Variants in PLEKHG4B observed in about 807,000 individuals in gnomAD.
PLEKHG4B encodes pleckstrin homology domain-containing family G member 4B.
A neutral mutation model predicts 121.3 loss-of-function variants in PLEKHG4B; 111 were observed. The observed-to-expected ratio is 0.92, with a 90% CI of 0.78 to 1.07. The LOEUF is 1.07. Ranked by LOEUF, PLEKHG4B falls within the 50% of genes least tolerant of loss-of-function variation. The pLI is 0.00. For synonymous variants in PLEKHG4B, 738 were observed against 725.0 expected, an observed-to-expected ratio of 1.02 and a Z score of -0.29; for missense variants, 1,831 against 1,757.8, an observed-to-expected ratio of 1.04 and a Z score of -0.74.
intron 2 of PLEKHG4B, among the ~76,000 whole-genome samples, chr5:135,694 T>A (rs1281066651): frequency 0.022 from 1,138 of 52,880 alleles, 56 homozygotes; most frequent in African/African-American, 0.081. Flanking sequence ...TATATATATA[T>A]ATATATATAT....
Position 156,325 on chromosome 5 carries a change from C to A in PLEKHG4B, c.2348+115C>A. ...AAGGAGAGCCCCCTCTGTGCTTGGT[C>A]CAGACCTCCATTCTGACAGCCACGC... is the stretch of plus-strand genomic sequence containing the variant. On this transcript the variant is annotated intron_variant, in intron 10 of 19. Transcript: ENST00000637938. The surrounding 1 kb of genome is among the most constrained non-coding windows in gnomAD (Gnocchi z 4.4). 1 of 1,137,606 alleles carries A rather than the reference C, an allele frequency of 8.8e-7. No individual in the cohort carries two copies. The highest frequency in any genetic ancestry group is 1.1e-6 in the Non-Finnish European group (1 of 875,546). The allele number at this position is 1,137,606 out of a possible 1,614,324, so 70.5% of individuals were successfully genotyped here. A position where few individuals can be genotyped will look rare whatever the true frequency, so the allele number is the denominator to read the frequency against.
At chr5:109,624 A>G (rs1734079256) in intron 1 of PLEKHG4B, among the ~76,000 whole-genome samples, 1 of 152,198 alleles carries the variant, frequency 6.6e-6, no homozygotes, top group African/African-American at 2.4e-5. Flanking sequence ...GGGAGTGCAG[A>G]TAGGGTGAGA....
rs1231559711 is a variant in PLEKHG4B at position 171,120 on chromosome 5, C to T, written c.3807C>T (p.Asn1269=). Residue 1269 remains asparagine (N), a synonymous_variant, in exon 15 of 20, where the codon AAC becomes AAT. Coordinates refer to ENST00000637938, the MANE Select transcript of PLEKHG4B (RefSeq NM_052909.5). ...ATGCCCTGCTCAGCAGCCATGGCAA[C>T]GCCTTCTTCAAGGTCATCCCCCTCG... is the stretch of plus-strand genomic sequence containing the variant. ...QSDALLSSHG[N]AFFKDKQREL... The T allele has an allele frequency of 8.7e-6, 14 of 1,613,112 alleles. No individual in the cohort carries two copies. The highest frequency in any genetic ancestry group is 4.0e-5 in the African/African-American group (3 of 74,910).
intron 2 of PLEKHG4B, among the ~76,000 whole-genome samples, chr5:135,677 AAAAAAATAT>A (rs1170579561): frequency 4.1e-5 from 3 of 72,534 alleles, no homozygotes; most frequent in Non-Finnish European, 7.8e-5. Flanking sequence ...AAAAAAAAAA[AAAAAAATAT>A]ATATATATAT....
At chr5:112,879 C>T (rs1579247131) in intron 1 of PLEKHG4B, among the ~76,000 whole-genome samples, 1 of 152,228 alleles carries the variant, frequency 6.6e-6, no homozygotes, top group South Asian at 2.1e-4. Flanking sequence ...ACCCCAAAGA[C>T]CTTATGCTGT....
intron 1 of PLEKHG4B, among the ~76,000 whole-genome samples, chr5:98,600 A>G (rs768966156): frequency 3.1e-3 from 361 of 114,978 alleles, no homozygotes; most frequent in Non-Finnish European, 4.8e-3. Flanking sequence ...ATGCCTGGCT[A>G]ATTTGTGTGT....
In PLEKHG4B at chr5:144,911, A is replaced by G; in HGVS notation, c.1896A>G (p.Ser632=). 2 of 1,613,098 alleles carry G rather than the reference A, an allele frequency of 1.2e-6. No individual in the cohort carries two copies. Among genetic ancestry groups the G allele is most frequent in the Non-Finnish European group, 1.7e-6 (2 of 1,179,874 alleles). The change falls in exon 6 of 20, where the codon TCA becomes TCG. Residue 632 remains serine, a synonymous_variant. Coordinates refer to ENST00000637938, the MANE Select transcript of PLEKHG4B (RefSeq NM_052909.5). The part of the protein sequence containing the change: ...PAAPAVSQAL[S]GLQNNTSPII... ...CCCCTGCCGTCTCCCAGGCCCTCTC[A>G]GGATTGCAGGTACGGCAAGGTTGTC...
rs1402427402 is a variant in PLEKHG4B, at chr5:140,541, C to G, written c.1302C>G (p.Pro434=). ...TGPGAAGRTL[P]RRSRSWERAP... ...CAGGAGCTGCAGGGCGGACTCTTCCCAGGAGATCTCGGTCCTGGGAAAGGG... is the reference window on the plus strand; with the variant it reads ...CAGGAGCTGCAGGGCGGACTCTTCCGAGGAGATCTCGGTCCTGGGAAAGGG... Residue 434 remains proline (P), a synonymous_variant, in exon 3 of 20, where the codon CCC becomes CCG. Transcript: ENST00000637938. The G allele has an allele frequency of 6.2e-7, 1 of 1,602,568 alleles. No individual in the cohort carries two copies. The highest frequency in any genetic ancestry group is 8.5e-7 in the Non-Finnish European group (1 of 1,175,216).
At position 157,703 on chromosome 5, in the gene PLEKHG4B, ACT is replaced by A. The variant is rs1735836792; in HGVS notation, c.2487+794_2487+795del. Reference sequence around the variant, plus strand: ...GGGCCTGACAGTTTAAGGGGTGCACACTCAGATAAAAAGTTTCTTTCTTTTCT... The same window carrying A: ...GGGCCTGACAGTTTAAGGGGTGCACACAGATAAAAAGTTTCTTTCTTTTCT... On this transcript the variant is annotated intron_variant, in intron 11 of 19. Transcript: ENST00000637938. This position sits in a 1 kb window ranked among gnomAD's most constrained non-coding sequence, Gnocchi z 4.6. Among the ~76,000 whole-genome samples, 1 of 152,152 alleles carries A rather than the reference ACT, an allele frequency of 6.6e-6. No homozygotes were observed. The highest frequency in any genetic ancestry group is 2.1e-4 in the South Asian group (1 of 4,836).
At position 163,464 on chromosome 5, in the gene PLEKHG4B, G is replaced by GC. The variant is rs746346365; in HGVS notation, c.3398dup (p.Val1134GlyfsTer17). The GC allele has an allele frequency of 6.8e-6, 11 of 1,612,718 alleles. No individual in the cohort carries two copies. Among genetic ancestry groups the GC allele is most frequent in the South Asian group, 2.2e-5 (2 of 91,084 alleles). ...CTCCCGCTGTGGCAGCATGCCAGGA[G>GC]CCCCCCGGTCACTCAGAGCCGGAGT... is the stretch of plus-strand genomic sequence containing the variant. On this transcript the variant is annotated frameshift_variant, in exon 13 of 20. Coordinates refer to ENST00000637938, the MANE Select transcript of PLEKHG4B (RefSeq NM_052909.5). LOFTEE classifies it high-confidence loss of function.
At chr5:180,048 A>G (rs905399520) in intron 18 of PLEKHG4B, among the ~76,000 whole-genome samples, 3 of 151,952 alleles carry the variant, frequency 2.0e-5, no homozygotes, top group Admixed American at 6.6e-5. Context: ...TATCTCGTGG[A>G]TGTTTAATTA....
At chr5:169,705 G>C in intron 14 of PLEKHG4B, 113 bp downstream of exon 14, 1 of 1,456,654 alleles carries the variant, frequency 6.9e-7, no homozygotes, top group Non-Finnish European at 9.2e-7. Flanking sequence ...TTCAGTCCAG[G>C]TCTAGGAGCT....
intron 11 of PLEKHG4B, among the ~76,000 whole-genome samples, chr5:160,884 G>A (rs536666604): frequency 1.1e-4 from 17 of 152,266 alleles, no homozygotes; most frequent in South Asian, 4.2e-4. Flanking sequence ...GACTCTGCCC[G>A]TGCTCCTAAG....
At chr5:94,730 G>C (rs918517254) in intron 1 of PLEKHG4B, among the ~76,000 whole-genome samples, 1 of 152,000 alleles carries the variant, frequency 6.6e-6, no homozygotes, top group African/African-American at 2.4e-5. Context: ...AGGTGTCTGT[G>C]AAGTGGGTAA....
intron 2 of PLEKHG4B, among the ~76,000 whole-genome samples, chr5:134,619 A>T (rs1396206348): frequency 6.6e-6 from 1 of 151,950 alleles, no homozygotes; most frequent in Non-Finnish European, 1.5e-5. Flanking sequence ...TACAAAAATT[A>T]GCCAGGTATG....
chr5:120,393 C>T (rs897790176), intron 2 of PLEKHG4B, among the ~76,000 whole-genome samples: 1 of 152,160 alleles, frequency 6.6e-6, no homozygotes, highest in African/African-American at 2.4e-5. Context: ...ATTCCAGACT[C>T]CCCCTGGAGA....
At chr5:143,935 C>A (rs1002338131) in intron 5 of PLEKHG4B, among the ~76,000 whole-genome samples, 1 of 149,090 alleles carries the variant, frequency 6.7e-6, no homozygotes, top group African/African-American at 2.6e-5. Context: ...TCTCAAAGAA[C>A]AAACACACAC....
chr5:162,793 C>CTG lies in PLEKHG4B; in HGVS notation c.2723_2724dup (p.His909ValfsTer21). ...CACCCGTGGCTGAGTGTTTGAGGAG[C>CTG]TGTCACCAGGAGGCTACCTCGGTGG... is the stretch of plus-strand genomic sequence containing the variant. On this transcript the variant is annotated frameshift_variant, in exon 13 of 20. Transcript: ENST00000637938. LOFTEE classifies it high-confidence loss of function. 6.7e-7 allele frequency: 1 copy of CTG among 1,491,490 alleles called. No homozygotes were observed. Among genetic ancestry groups the CTG allele is most frequent in the East Asian group, 2.4e-5 (1 of 41,594 alleles). The allele number at this position is 1,491,490 out of a possible 1,614,324, so 92.4% of individuals were successfully genotyped here.
At chr5:172,606 C>G (rs1042794636) in intron 16 of PLEKHG4B, among the ~76,000 whole-genome samples, 3 of 152,224 alleles carry the variant, frequency 2.0e-5, no homozygotes, top group African/African-American at 7.2e-5. Flanking sequence ...GTGGGACGCT[C>G]ACCCCCTGAG....
Sources: allele counts gnomAD v4.1 joint callset (sites outside exome capture counted in the v4.1 genomes callset), GRCh38; gene constraint gnomAD v4.1.1; non-coding constraint Gnocchi (gnomAD v3.1); transcripts MANE v1.5; gene names NCBI Gene and HGNC (gene_info 2026-07-23, HGNC 2026-07-21).